PTPRG: variants seen among roughly 807,000 people sequenced by gnomAD.
PTPRG encodes receptor-type tyrosine-protein phosphatase gamma.
Under a neutral mutation model 165.3 loss-of-function variants are expected in PTPRG, and 102 were observed. The observed-to-expected ratio is 0.62, with a 90% CI of 0.53 to 0.73. The LOEUF is 0.73. Among genes scored for constraint, PTPRG ranks in the 30% least tolerant of loss-of-function variants. The pLI, the probability that PTPRG is intolerant of heterozygous loss-of-function variation, is 0.00. For missense variants in PTPRG, 1,866 were observed against 1,861.4 expected (o/e 1.00, Z -0.05); for synonymous variants, 675 against 669.5 (o/e 1.01, Z -0.13).
chr3:61,737,364 T>C (rs2032758450), intron 1 of PTPRG, among the ~76,000 whole-genome samples: 1 of 152,174 alleles, frequency 6.6e-6, no homozygotes, highest in East Asian at 1.9e-4. Flanking sequence ...GTAGAGTATA[T>C]ACTGTTGAAT....
intron 2 of PTPRG, among the ~76,000 whole-genome samples, chr3:61,895,917 A>G (rs1188244087): frequency 1.3e-5 from 2 of 152,190 alleles, no homozygotes; most frequent in Non-Finnish European, 2.9e-5. Flanking sequence ...TGTAAAAAAT[A>G]ATACAGAGAT....
chr3:62,169,373 A>G (rs1343608699), intron 8 of PTPRG, among the ~76,000 whole-genome samples: 2 of 152,122 alleles, frequency 1.3e-5, no homozygotes, highest in Non-Finnish European at 2.9e-5. Flanking sequence ...CCCCTACTGG[A>G]AATCACTTGC....
chr3:62,047,246 A>ATTATTTATTTAT (rs10523312), intron 4 of PTPRG, among the ~76,000 whole-genome samples: 1,081 of 63,018 alleles, frequency 0.017, 11 homozygotes, highest in African/African-American at 0.048. Context: ...TGAGCTTCCT[A>ATTATTTATTTAT]TTATTTATTT....
At chr3:61,898,927 G>A (rs1405029844) in intron 2 of PTPRG, among the ~76,000 whole-genome samples, 1 of 152,100 alleles carries the variant, frequency 6.6e-6, no homozygotes, top group Non-Finnish European at 1.5e-5. Flanking sequence ...TGTCTGTTTA[G>A]AGACAGGGCT....
At chr3:61,843,377 TACATACACAC>T (rs1466902074) in intron 2 of PTPRG, among the ~76,000 whole-genome samples, 1 of 152,082 alleles carries the variant, frequency 6.6e-6, no homozygotes, top group East Asian at 1.9e-4. Flanking sequence ...ATCACACACA[TACATACACAC>T]GGATCATAGA....
At chr3:61,872,686 T>C (rs2037616622) in intron 2 of PTPRG, among the ~76,000 whole-genome samples, 2 of 152,220 alleles carry the variant, frequency 1.3e-5, no homozygotes, top group African/African-American at 4.8e-5. Context: ...TAGGGATTTC[T>C]CTTAGAAATC....
At chr3:61,917,036 C>A (rs928332969) in intron 2 of PTPRG, among the ~76,000 whole-genome samples, 3 of 152,108 alleles carry the variant, frequency 2.0e-5, no homozygotes, top group Non-Finnish European at 4.4e-5. Context: ...TTCATCCTAG[C>A]GATGTGGGGA....
intron 24 of PTPRG, 50 bp downstream of exon 24, chr3:62,276,016 T>TTAGG: frequency 1.4e-6 from 2 of 1,398,830 alleles, no homozygotes; most frequent in Non-Finnish European, 2.0e-6. Context: ...GGATTGTATG[T>TTAGG]TAGGTACAGA....
At chr3:62,095,487 A>G (rs1702080482) in intron 5 of PTPRG, among the ~76,000 whole-genome samples, 3 of 152,198 alleles carry the variant, frequency 2.0e-5, no homozygotes, top group African/African-American at 2.4e-5. Context: ...TTATACATAT[A>G]TAGTATAACC....
At chr3:62,011,177 A>G (rs758302171) in intron 4 of PTPRG, among the ~76,000 whole-genome samples, 3 of 152,012 alleles carry the variant, frequency 2.0e-5, no homozygotes, top group Non-Finnish European at 4.4e-5. Flanking sequence ...GCTGCTTCAT[A>G]TTGATTTATT....
At chr3:62,281,842 C>A in intron 27 of PTPRG, 133 bp downstream of exon 27, 1 of 884,750 alleles carries the variant, frequency 1.1e-6, no homozygotes, top group Non-Finnish European at 1.6e-6. Context: ...TAAATATGTA[C>A]ATTTTCCGTT....
At chr3:61,889,095 T>C (rs2038134504) in intron 2 of PTPRG, among the ~76,000 whole-genome samples, 1 of 152,240 alleles carries the variant, frequency 6.6e-6, no homozygotes, top group South Asian at 2.1e-4. Flanking sequence ...GATGATACTT[T>C]GAATCTGTGT....
intron 1 of PTPRG, among the ~76,000 whole-genome samples, chr3:61,629,099 G>T (rs1701694745): frequency 6.6e-6 from 1 of 152,182 alleles, no homozygotes; most frequent in Non-Finnish European, 1.5e-5. Context: ...AGAGGCATTT[G>T]TGCCTTCAAG....
intron 1 of PTPRG, among the ~76,000 whole-genome samples, chr3:61,691,270 G>C (rs2030190428): frequency 6.6e-6 from 1 of 152,084 alleles, no homozygotes. Flanking sequence ...AGCTGGGTGT[G>C]GTGGCACATA....
At chr3:62,039,819 G>C (rs898254338) in intron 4 of PTPRG, among the ~76,000 whole-genome samples, 1 of 125,622 alleles carries the variant, frequency 8.0e-6, no homozygotes, top group Non-Finnish European at 1.7e-5. Flanking sequence ...CTTTGTAACA[G>C]TTACAGCACT....
chr3:61,782,131 C>G (rs946279168), intron 2 of PTPRG, among the ~76,000 whole-genome samples: 7 of 152,152 alleles, frequency 4.6e-5, no homozygotes, highest in African/African-American at 1.7e-4. Flanking sequence ...TGTGCAGCTA[C>G]TTTAAAATAT....
At chr3:62,292,022 T>TA (rs1012148550) in intron 28 of PTPRG, among the ~76,000 whole-genome samples, 99 of 151,874 alleles carry the variant, frequency 6.5e-4, no homozygotes, top group Middle Eastern at 3.4e-3. Flanking sequence ...TTGGAATTGT[T>TA]AAAAAAAAAT....
intron 1 of PTPRG, chr3:61,659,466 G>C (rs188983007): frequency 5.4e-4 from 536 of 983,566 alleles, no homozygotes; most frequent in African/African-American, 3.2e-3. Flanking sequence ...AGACAGTGGG[G>C]TGACCAGGAA....
At position 61,612,429 on chromosome 3, in the gene PTPRG, C is replaced by T. The variant is rs533860571; in HGVS notation, c.85+50057C>T. On this transcript the variant is annotated intron_variant, in intron 1 of 29. Coordinates refer to ENST00000474889, the MANE Select transcript of PTPRG (RefSeq NM_002841.4). ...TGACCTTTGCCTAAAGTGAGATGCA[C>T]ATGTGCCTCCAGTTCAGTTGTAGGT... Among the ~76,000 whole-genome samples the T allele has an allele frequency of 6.6e-5, 10 of 152,338 alleles. No homozygotes were observed. In the East Asian group the frequency reaches 1.5e-3, roughly 24 times the overall value.
Sources: gnomAD v4.1 joint callset for allele counts (sites outside exome capture counted in the v4.1 genomes callset) on GRCh38, gnomAD v4.1.1 for gene constraint, MANE v1.5 for transcripts, NCBI Gene and HGNC (gene_info 2026-07-23, HGNC 2026-07-21) for gene names.